The following JAZF1 variants were observed in gnomAD, a reference collection of about 807,000 sequenced individuals.
The protein encoded by JAZF1 is JAZF zinc finger 1, also known as juxtaposed with another zinc finger protein 1.
JAZF1 carries 8 observed loss-of-function variants against 26.4 expected under a neutral mutation model. The observed-to-expected ratio is 0.30, with a 90% CI of 0.18 to 0.55. JAZF1 has a LOEUF of 0.55. Ranked by LOEUF, JAZF1 falls within the 20% of genes least tolerant of loss-of-function variation. The probability of loss-of-function intolerance (pLI) is 0.94; values close to 1 mark genes in which losing one functional copy is unlikely to be tolerated. For synonymous variants in JAZF1, 126 were observed against 122.3 expected, an observed-to-expected ratio of 1.03 and a Z score of -0.20; for missense variants, 199 against 322.0, an observed-to-expected ratio of 0.62 and a Z score of 2.92.
intron 3 of JAZF1, among the ~76,000 whole-genome samples, chr7:27,864,507 G>A (rs781362730): frequency 3.9e-5 from 6 of 152,072 alleles, no homozygotes; most frequent in East Asian, 1.9e-4. Context: ...GGGTTTGCCC[G>A]GCTCAGAGCC....
At chr7:27,949,257 CACA>C (rs1467598300) in intron 2 of JAZF1, among the ~76,000 whole-genome samples, 2 of 152,360 alleles carry the variant, frequency 1.3e-5, no homozygotes, top group Admixed American at 1.3e-4. Flanking sequence ...CAACTGTCAA[CACA>C]ACAATTCTGG....
intron 1 of JAZF1, among the ~76,000 whole-genome samples, chr7:28,100,328 C>T (rs1054057251): frequency 2.0e-5 from 3 of 152,030 alleles, no homozygotes; most frequent in Admixed American, 6.6e-5. Context: ...TCTCTGAGCT[C>T]GCCTAAAACT....
At chr7:27,857,521 C>A (rs1337922522) in intron 3 of JAZF1, among the ~76,000 whole-genome samples, 1 of 152,254 alleles carries the variant, frequency 6.6e-6, no homozygotes, top group Non-Finnish European at 1.5e-5. Flanking sequence ...GCTGAGGAGG[C>A]GCCGAGAGCG....
At chr7:27,949,169 T>C (rs1434055449) in intron 2 of JAZF1, among the ~76,000 whole-genome samples, 1 of 152,166 alleles carries the variant, frequency 6.6e-6, no homozygotes, top group Non-Finnish European at 1.5e-5. Context: ...AATACTGACA[T>C]CTGGATTTTG....
chr7:28,143,071 G>T (rs1244704738), intron 1 of JAZF1, among the ~76,000 whole-genome samples: 11 of 152,288 alleles, frequency 7.2e-5, no homozygotes, highest in South Asian at 2.1e-4. Context: ...CTGAGAGAGA[G>T]AATGAAGAGT....
chr7:27,896,329 A>G (rs528950465), intron 2 of JAZF1, among the ~76,000 whole-genome samples: 11 of 152,188 alleles, frequency 7.2e-5, no homozygotes, highest in African/African-American at 1.9e-4. Context: ...TCTCCTACCT[A>G]AAGAACATTC....
intron 2 of JAZF1, among the ~76,000 whole-genome samples, chr7:27,972,158 T>G (rs1215155725): frequency 6.6e-6 from 1 of 152,132 alleles, no homozygotes; most frequent in Non-Finnish European, 1.5e-5. Flanking sequence ...TTACATAAAC[T>G]GTGATTTCAA....
intron 1 of JAZF1, among the ~76,000 whole-genome samples, chr7:28,029,929 G>A (rs1318604944): frequency 6.6e-6 from 1 of 152,192 alleles, no homozygotes; most frequent in Non-Finnish European, 1.5e-5. Flanking sequence ...GGTGAATGGA[G>A]CACTGGCCTC....
intron 2 of JAZF1, among the ~76,000 whole-genome samples, chr7:27,918,472 CAG>C (rs1379921185): frequency 1.3e-5 from 2 of 152,144 alleles, no homozygotes. Flanking sequence ...CTTAGGAGGG[CAG>C]AGTTCATGTT....
intron 1 of JAZF1, among the ~76,000 whole-genome samples, chr7:28,102,607 T>G (rs901918430): frequency 7.0e-6 from 1 of 142,300 alleles, no homozygotes; most frequent in Non-Finnish European, 1.5e-5. Context: ...TGAAAAAAAA[T>G]GTCTGCATAT....
intron 2 of JAZF1, among the ~76,000 whole-genome samples, chr7:27,973,595 G>A (rs759532957): frequency 1.3e-5 from 2 of 152,176 alleles, no homozygotes; most frequent in Admixed American, 6.5e-5. Context: ...CACCATGCCC[G>A]GTAGGGGGTG....
chr7:28,083,942 A>G (rs1784175892), intron 1 of JAZF1, among the ~76,000 whole-genome samples: 1 of 152,156 alleles, frequency 6.6e-6, no homozygotes, highest in African/African-American at 2.4e-5. Flanking sequence ...TTTACATGTT[A>G]CATTTTATGA....
chr7:27,945,474 T>C (rs1204076805), intron 2 of JAZF1, among the ~76,000 whole-genome samples: 1 of 152,174 alleles, frequency 6.6e-6, no homozygotes, highest in Non-Finnish European at 1.5e-5. Context: ...AAATCAGATC[T>C]TTTCAGTTCT....
In JAZF1 at chr7:28,173,880, T is replaced by TAAA. The variant is rs58075065; in HGVS notation, c.115+6580_115+6582dup. On this transcript the variant is annotated intron_variant, in intron 1 of 4. Transcript: ENST00000283928. ...TCTGGTCCCTGCTTGCAGCTAGCTT[T>TAAA]AAAAAAAAAAAAAAAAAAAAAAAAA... is the stretch of plus-strand genomic sequence containing the variant. Among the ~76,000 whole-genome samples the TAAA allele has an allele frequency of 9.1e-3, 851 of 93,138 alleles. 17 individuals carry two copies. Among genetic ancestry groups the TAAA allele is most frequent in the African/African-American group, 0.034 (796 of 23,680 alleles). 61.1% of individuals were successfully genotyped at this position (93,138 alleles called of 152,430 possible). A position where few individuals can be genotyped will look rare whatever the true frequency, so the allele number is the denominator to read the frequency against.
At chr7:27,978,194 T>C (rs1220447105) in intron 2 of JAZF1, among the ~76,000 whole-genome samples, 1 of 152,236 alleles carries the variant, frequency 6.6e-6, no homozygotes, top group Non-Finnish European at 1.5e-5. Context: ...ATTTATTCAT[T>C]CAATAAATAC....
chr7:27,998,544 C>T lies in JAZF1; in HGVS notation c.116-6563G>A, dbSNP rs145206323. On this transcript the variant is annotated intron_variant, in intron 1 of 4. Transcript: ENST00000283928. ...ACTTTTCCTTAGTTTATAGACATGT[C>T]ATTTGAAACTTTTCCCAAGCCATAA... 2.2e-3 allele frequency among the ~76,000 whole-genome samples: 330 copies of T among 152,260 alleles called. 4 individuals carry two copies. The highest frequency in any genetic ancestry group is 0.016 in the Admixed American group (248 of 15,290).
Position 27,845,313 on chromosome 7 carries a change from G to T in JAZF1, c.386-4446C>A, listed in dbSNP as rs1037612508. ...CACCCTCTTAGCAAGCTCTGCTGGG[G>T]AACTCTGGACTGGGGGGTCAGAATG... On this transcript the variant is annotated intron_variant, in intron 3 of 4. Coordinates refer to ENST00000283928, the MANE Select transcript of JAZF1 (RefSeq NM_175061.4). Among the ~76,000 whole-genome samples, 5 of 152,316 alleles carry T rather than the reference G, an allele frequency of 3.3e-5. 1 individual carries two copies. Among genetic ancestry groups the T allele is most frequent in the Middle Eastern group, 6.8e-3 (2 of 294 alleles).
intron 1 of JAZF1, among the ~76,000 whole-genome samples, chr7:28,120,979 C>T (rs1453724768): frequency 2.0e-5 from 3 of 152,028 alleles, no homozygotes; most frequent in Non-Finnish European, 4.4e-5. Context: ...GCGGGTGGAT[C>T]ACTTGATGTC....
chr7:27,860,280 T>C (rs1451711850), intron 3 of JAZF1, among the ~76,000 whole-genome samples: 4 of 152,234 alleles, frequency 2.6e-5, no homozygotes, highest in South Asian at 2.1e-4. Context: ...TTTGGGAAAA[T>C]TGGTTCTGTT....
Sources: allele counts gnomAD v4.1 joint callset (sites outside exome capture counted in the v4.1 genomes callset), GRCh38; gene constraint gnomAD v4.1.1; transcripts MANE v1.5; gene names NCBI Gene and HGNC (gene_info 2026-07-23, HGNC 2026-07-21).